Variants in CNTNAP3 observed in about 807,000 individuals in gnomAD.
The protein encoded by CNTNAP3 is contactin-associated protein-like 3.
CNTNAP3 carries 36 observed loss-of-function variants against 92.1 expected under a neutral mutation model. The observed-to-expected ratio is 0.39, with a 90% confidence interval of 0.30 to 0.52. The LOEUF (loss-of-function observed/expected upper bound fraction) is 0.52. Ranked by LOEUF, CNTNAP3 falls within the 20% of genes least tolerant of loss-of-function variation. CNTNAP3 has a pLI of 0.76. For synonymous variants in CNTNAP3, 232 were observed against 422.3 expected (o/e 0.55, Z 5.53); for missense variants, 534 against 1,069.6 (o/e 0.50, Z 6.98).
intron 11 of CNTNAP3, among the ~76,000 whole-genome samples, chr9:39,141,926 C>T (rs12337937): frequency 3.9e-4 from 59 of 152,130 alleles, no homozygotes; most frequent in African/African-American, 1.3e-3. Flanking sequence ...ATTAGTTGCA[C>T]ATAATTGATA....
At chr9:39,113,966 CTA>C (rs950908232) in intron 14 of CNTNAP3, among the ~76,000 whole-genome samples, 2 of 149,570 alleles carry the variant, frequency 1.3e-5, no homozygotes, top group African/African-American at 5.0e-5. Context: ...CTCTCTCTCT[CTA>C]TATATACACA....
intron 13 of CNTNAP3, among the ~76,000 whole-genome samples, chr9:39,129,434 A>G (rs1821224476): frequency 6.6e-6 from 1 of 152,106 alleles, no homozygotes; most frequent in East Asian, 1.9e-4. Context: ...ATAGTCAGAG[A>G]GAGTGAGAGA....
At position 39,067,193 on chromosome 9, in the gene CNTNAP3, T is replaced by G. The variant is rs1258267250; in HGVS notation, c.*6697A>C. On this transcript the variant is annotated 3_prime_UTR_variant, in exon 24 of 24. Coordinates refer to ENST00000297668, the MANE Select transcript of CNTNAP3 (RefSeq NM_033655.5). ...ACATTAACATTGTCATCTCTCGAAG[T>G]TTAATTAAAGCCTTTTCTTGTCACA... is the stretch of plus-strand genomic sequence containing the variant. 6.6e-6 allele frequency among the ~76,000 whole-genome samples: 1 copy of G among 152,310 alleles called. No homozygotes were observed. The highest frequency in any genetic ancestry group is 2.4e-5 in the African/African-American group (1 of 41,488).
intron 18 of CNTNAP3, among the ~76,000 whole-genome samples, chr9:39,089,122 A>G (rs897973001): frequency 3.9e-5 from 6 of 152,064 alleles, no homozygotes; most frequent in Admixed American, 2.0e-4. Flanking sequence ...GCCATGATCA[A>G]TTTTAGAGTA....
intron 14 of CNTNAP3, among the ~76,000 whole-genome samples, chr9:39,114,021 TATACACACATATATACAC>T (rs1349721976): frequency 1.4e-5 from 2 of 146,340 alleles, no homozygotes; most frequent in African/African-American, 5.3e-5. Context: ...CACACATATA[TATACACACATATATACAC>T]ACACACACAC....
At chr9:39,100,408 G>A (rs1826428065) in intron 17 of CNTNAP3, among the ~76,000 whole-genome samples, 3 of 152,062 alleles carry the variant, frequency 2.0e-5, no homozygotes, top group Admixed American at 1.3e-4. Flanking sequence ...TTAACTTCAG[G>A]TAAGAAAGAA....
At chr9:39,127,424 AG>A (rs774295985) in intron 13 of CNTNAP3, among the ~76,000 whole-genome samples, 9 of 152,196 alleles carry the variant, frequency 5.9e-5, no homozygotes, top group Non-Finnish European at 1.0e-4. Context: ...GATAACAAAG[AG>A]AAGAGCAGAT....
chr9:39,085,092 T>TA (rs1410938144), intron 21 of CNTNAP3: 1 of 146,958 alleles, frequency 6.8e-6, no homozygotes, highest in African/African-American at 2.5e-5. Flanking sequence ...TGGGTTTTTT[T>TA]AAAAAAAGAT....
chr9:39,128,586 C>T (rs1374405833), intron 13 of CNTNAP3, among the ~76,000 whole-genome samples: 1 of 151,920 alleles, frequency 6.6e-6, no homozygotes, highest in Non-Finnish European at 1.5e-5. Flanking sequence ...ACATAGGAAA[C>T]AAGAATGAAT....
chr9:39,110,959 G>A (rs1344131263), intron 14 of CNTNAP3, among the ~76,000 whole-genome samples: 1 of 151,892 alleles, frequency 6.6e-6, no homozygotes. Flanking sequence ...TCTTTTGTAT[G>A]CATTTGTGGC....
chr9:39,116,976 TTTTA>T (rs1464940824), intron 14 of CNTNAP3, among the ~76,000 whole-genome samples: 12 of 149,228 alleles, frequency 8.0e-5, no homozygotes, highest in Non-Finnish European at 1.8e-4. Context: ...CCATTACATT[TTTTA>T]TTTATTAATT....
intron 21 of CNTNAP3, chr9:39,085,520 TGGA>T: frequency 1.8e-6 from 1 of 546,800 alleles, no homozygotes; most frequent in South Asian, 2.2e-5. Context: ...AGGTTAAGTG[TGGA>T]GGTATTTTTC....
At chr9:39,140,902 G>C (rs990925376) in intron 11 of CNTNAP3, among the ~76,000 whole-genome samples, 3 of 152,100 alleles carry the variant, frequency 2.0e-5, no homozygotes, top group Non-Finnish European at 4.4e-5. Flanking sequence ...TAAATATTTG[G>C]TCACAGTGTA....
In CNTNAP3 at chr9:39,135,639, TATA is replaced by T. The variant is rs566664599; in HGVS notation, c.1877-2507_1877-2505del. ...TGAAGTTGCATCCAGATGAACTTAT[TATA>T]AATTAAAAATGCACTTTAATACATG... is the stretch of plus-strand genomic sequence containing the variant. On this transcript the variant is annotated intron_variant, in intron 12 of 23. Transcript: ENST00000297668. 6.5e-3 allele frequency among the ~76,000 whole-genome samples: 992 copies of T among 152,290 alleles called. 9 individuals are homozygous for T. Among genetic ancestry groups the T allele is most frequent in the Middle Eastern group, 0.014 (4 of 294 alleles).
chr9:39,163,748 C>CT (rs1554652010), intron 9 of CNTNAP3, among the ~76,000 whole-genome samples: 1 of 16,900 alleles, frequency 5.9e-5, no homozygotes, highest in Non-Finnish European at 1.3e-4. Context: ...TGGCGTGAAC[C>CT]GGGGGGGCAG....
intron 18 of CNTNAP3, among the ~76,000 whole-genome samples, chr9:39,098,333 AGACAAT>A (rs1282744094): frequency 2.0e-5 from 3 of 150,860 alleles, no homozygotes; most frequent in Non-Finnish European, 4.4e-5. Flanking sequence ...GTAAATAAAA[AGACAAT>A]GTTGGGTGAT....
At chr9:39,108,913 T>C (rs1018150279) in intron 15 of CNTNAP3, among the ~76,000 whole-genome samples, 1 of 152,098 alleles carries the variant, frequency 6.6e-6, no homozygotes, top group Non-Finnish European at 1.5e-5. Context: ...CAATTGATAA[T>C]AAATCCAGCC....
chr9:39,103,386 A>G (rs113049923), intron 16 of CNTNAP3, among the ~76,000 whole-genome samples: 4,957 of 152,250 alleles, frequency 0.033, 251 homozygotes, highest in African/African-American at 0.11. Context: ...GTTGAAGACC[A>G]GCCTGGTCAA....
At chr9:39,113,353 G>A (rs1300782430) in intron 14 of CNTNAP3, among the ~76,000 whole-genome samples, 2 of 152,138 alleles carry the variant, frequency 1.3e-5, no homozygotes, top group Admixed American at 1.3e-4. Context: ...AAGTACTGCA[G>A]TTATTCCACA....
Sources: allele counts gnomAD v4.1 joint callset (sites outside exome capture counted in the v4.1 genomes callset), GRCh38; gene constraint gnomAD v4.1.1; transcripts MANE v1.5; gene names NCBI Gene and HGNC (gene_info 2026-07-23, HGNC 2026-07-21).